Variants in CLDN18 observed in about 807,000 individuals in gnomAD.
CLDN18 encodes claudin-18.
Under a neutral mutation model 25.0 loss-of-function variants are expected in CLDN18, and 20 were observed. The ratio of observed to expected loss-of-function variants is 0.80; its 90% CI spans 0.56 to 1.16. The LOEUF (loss-of-function observed/expected upper bound fraction) is 1.16, where lower values mean the gene tolerates loss of function less well. CLDN18 is among the 50% of genes most tolerant of loss of function. The probability of loss-of-function intolerance (pLI) is 0.00; values close to 1 mark genes in which losing one functional copy is unlikely to be tolerated. For synonymous variants in CLDN18, 125 were observed against 135.6 expected (o/e 0.92, Z 0.54); for missense variants, 297 against 345.4 (o/e 0.86, Z 1.11).
chr3:138,000,445 C>A (rs1242254710), intron 1 of CLDN18, among the ~76,000 whole-genome samples: 1 of 152,050 alleles, frequency 6.6e-6, no homozygotes, highest in East Asian at 1.9e-4. Context: ...ATGACCTTGG[C>A]GGGAGAAGAA....
exon 1 of CLDN18, chr3:137,999,044 G>C (rs1941987135): frequency 2.5e-6 from 4 of 1,614,206 alleles, no homozygotes; most frequent in Non-Finnish European, 3.4e-6. Context: ...GAGAGCTCTG[G>C]CTTCACCGAG....
At chr3:138,010,093 CTG>C, upstream of CLDN18, 1 of 1,398,112 alleles carries the variant, frequency 7.2e-7, no homozygotes. Flanking sequence ...AAGGAAAACA[CTG>C]TGAGCAAATA....
chr3:138,028,125 C>T (rs1357275654), intron 3 of CLDN18, among the ~76,000 whole-genome samples: 1 of 151,596 alleles, frequency 6.6e-6, no homozygotes, highest in Admixed American at 6.6e-5. Context: ...AGTGCAATGG[C>T]GCAATCTCGG....
chr3:138,009,021 A>C (rs1032672046), upstream of CLDN18, among the ~76,000 whole-genome samples: 1 of 152,252 alleles, frequency 6.6e-6, no homozygotes. Context: ...TGTATAGACA[A>C]AACATAACAC....
upstream of CLDN18, among the ~76,000 whole-genome samples, chr3:138,006,052 A>T (rs915969692): frequency 6.6e-6 from 1 of 152,222 alleles, no homozygotes; most frequent in Non-Finnish European, 1.5e-5. Context: ...TCCTTTAATT[A>T]TGTAAAAAAA....
chr3:138,008,804 T>C (rs975391743), upstream of CLDN18, among the ~76,000 whole-genome samples: 1 of 151,944 alleles, frequency 6.6e-6, no homozygotes, highest in Non-Finnish European at 1.5e-5. Context: ...TATGCATGTA[T>C]AGTTCCAAAT....
At chr3:138,009,238 A>G (rs1420401872), upstream of CLDN18, among the ~76,000 whole-genome samples, 1 of 152,206 alleles carries the variant, frequency 6.6e-6, no homozygotes, top group Non-Finnish European at 1.5e-5. Flanking sequence ...CCTGCCCAGC[A>G]CACGACAAGT....
At chr3:138,026,751 G>A (rs1942332355) in intron 3 of CLDN18, among the ~76,000 whole-genome samples, 1 of 152,312 alleles carries the variant, frequency 6.6e-6, no homozygotes, top group Middle Eastern at 3.4e-3. Context: ...AAGGGAGATG[G>A]TTAGTGGGTG....
At chr3:138,021,456 G>A (rs1034832315) in intron 1 of CLDN18, among the ~76,000 whole-genome samples, 6 of 152,052 alleles carry the variant, frequency 3.9e-5, no homozygotes, top group Non-Finnish European at 8.8e-5. Context: ...CTTGGGTCTA[G>A]GTAACAGGAG....
intron 1 of CLDN18, chr3:138,004,667 A>C (rs908411333): frequency 1.3e-5 from 2 of 152,050 alleles, no homozygotes; most frequent in African/African-American, 4.8e-5. Flanking sequence ...AAGGAAGTTT[A>C]TTTAGTTAAT....
At chr3:138,004,613 A>G (rs982304968) in intron 1 of CLDN18, 12 of 152,294 alleles carry the variant, frequency 7.9e-5, no homozygotes, top group Admixed American at 2.6e-4. Context: ...CATATATGTG[A>G]GTTGAATACA....
chr3:138,027,637 G>T (rs139405671), intron 3 of CLDN18, among the ~76,000 whole-genome samples: 2 of 152,304 alleles, frequency 1.3e-5, no homozygotes, highest in African/African-American at 4.8e-5. Context: ...CAAGATAGTG[G>T]TAAAAAAGTG....
chr3:138,018,392 A>G (rs555168662), intron 1 of CLDN18, among the ~76,000 whole-genome samples: 5 of 138,128 alleles, frequency 3.6e-5, no homozygotes, highest in South Asian at 4.7e-4. Context: ...GCTGGAGTGC[A>G]GTGGCGGGAT....
exon 1 of CLDN18, chr3:137,998,939 C>A (rs764953549): frequency 7.4e-6 from 12 of 1,614,242 alleles, no homozygotes; most frequent in Non-Finnish European, 1.0e-5. Flanking sequence ...ATCATTGCTG[C>A]CACCTGCATG....
intron 1 of CLDN18, among the ~76,000 whole-genome samples, chr3:138,017,647 C>A (rs1364645715): frequency 6.6e-6 from 1 of 152,146 alleles, no homozygotes; most frequent in African/African-American, 2.4e-5. Flanking sequence ...TTGTCTTTCC[C>A]CATTTTCTGG....
rs186091108 is a variant in CLDN18, at chr3:138,017,255, G to T, written c.221-6403G>T. Among the ~76,000 whole-genome samples the T allele has an allele frequency of 1.4e-3, 218 of 152,188 alleles. 1 individual carries two copies. The highest frequency in any genetic ancestry group is 5.0e-3 in the African/African-American group (209 of 41,516). On this transcript the variant is annotated intron_variant, in intron 1 of 4. Transcript: ENST00000183605. Reference sequence around the variant, plus strand: ...CAAAGTAAAGATCACTTAAGGTTCTGTGTTCTCCCTTCCCATCCCCATCCT... The same window carrying T: ...CAAAGTAAAGATCACTTAAGGTTCTTTGTTCTCCCTTCCCATCCCCATCCT...
intron 1 of CLDN18, among the ~76,000 whole-genome samples, chr3:138,012,883 A>G (rs1410098580): frequency 1.3e-5 from 2 of 152,200 alleles, no homozygotes; most frequent in African/African-American, 2.4e-5. Flanking sequence ...ATTCAGTAGG[A>G]AGAGTCAGGA....
chr3:138,012,864 A>G (rs1942157642), intron 1 of CLDN18, among the ~76,000 whole-genome samples: 1 of 152,224 alleles, frequency 6.6e-6, no homozygotes. Flanking sequence ...GCCCAGGAAG[A>G]AAGTGGTTAT....
chr3:138,025,652 A>G (rs893845561), intron 3 of CLDN18, among the ~76,000 whole-genome samples: 4 of 152,168 alleles, frequency 2.6e-5, no homozygotes, highest in African/African-American at 9.6e-5. Flanking sequence ...ATCCCCAAAA[A>G]CTTCCCTGAT....
Sources: gnomAD v4.1 joint callset for allele counts (sites outside exome capture counted in the v4.1 genomes callset) on GRCh38, gnomAD v4.1.1 for gene constraint, MANE v1.5 for transcripts, NCBI Gene and HGNC (gene_info 2026-07-23, HGNC 2026-07-21) for gene names.